The following IGHMBP2 variants were observed in gnomAD, a reference collection of about 807,000 sequenced individuals.
IGHMBP2 encodes the protein DNA-binding protein SMUBP-2.
A neutral mutation model predicts 96.0 loss-of-function variants in IGHMBP2; 81 were observed. That is an observed-to-expected ratio of 0.84 (90% CI 0.71 to 1.01). The LOEUF is 1.01. Among genes scored for constraint, IGHMBP2 ranks in the 50% least tolerant of loss-of-function variants. The probability of loss-of-function intolerance (pLI) is 0.00; values close to 1 mark genes in which losing one functional copy is unlikely to be tolerated. For synonymous variants in IGHMBP2, 557 were observed against 548.9 expected, an observed-to-expected ratio of 1.01 and a Z score of -0.21; for missense variants, 1,227 against 1,306.3, an observed-to-expected ratio of 0.94 and a Z score of 0.94.
Position 68,936,752 on chromosome 11 carries a change from G to C in IGHMBP2, c.2272G>C (p.Val758Leu). ...CCTCAATTCCCACGACAGGCTGCGG[G>C]TCCACCAAATAGCCGAGGAGCACGG... ...PSLNSHDRLR[V>L]HQIAEEHGLR... is the part of the protein sequence containing the mutation. Residue 758 changes from valine to leucine, a missense_variant, in exon 13 of 15, where the codon GTC becomes CTC. This residue lies in a region of IGHMBP2 where 703 missense variants were observed against 770.3 expected (regional missense o/e 0.91). Transcript: ENST00000255078. 6.2e-7 allele frequency: 1 copy of C among 1,614,080 alleles called. No individual in the cohort carries two copies.
rs376644749 is a variant in IGHMBP2 at position 68,906,199 on chromosome 11, G to A, written c.217G>A (p.Gly73Arg). ...LLVTFEPRRY[G>R]SAAALPSNSF... ...GGTCACCTTTGAGCCCAGGCGATAC[G>A]GGTCCGCGGCAGCTCTTCCCAGTAA... The change falls in exon 2 of 15, where the codon GGG becomes AGG. Residue 73 changes from glycine to arginine, a missense_variant. Gly to Arg is a moderately radical substitution (Grantham distance 125, BLOSUM62 -2). Transcript: ENST00000255078. The A allele has an allele frequency of 4.2e-5, 68 of 1,613,994 alleles. No homozygotes were observed. The highest frequency in any genetic ancestry group is 5.3e-5 in the Non-Finnish European group (63 of 1,180,000).
intron 8 of IGHMBP2, chr11:68,932,965 CCTT>C (rs1566442658): frequency 2.5e-6 from 1 of 401,232 alleles, no homozygotes; most frequent in South Asian, 2.7e-5. Flanking sequence ...CCCTCGGTGA[CCTT>C]CTCTGACTGA....
In IGHMBP2 at chr11:68,935,392, A is replaced by G; in HGVS notation, c.1726A>G (p.Ile576Val). 6.2e-7 allele frequency: 1 copy of G among 1,614,134 alleles called. No individual in the cohort carries two copies. The highest frequency in any genetic ancestry group is 8.5e-7 in the Non-Finnish European group (1 of 1,180,044). The stretch of plus-strand genomic sequence containing the variant: ...CCAAGGCCGAGAGAAGGAGGCCGTG[A>G]TACTGTCCTTCGTCAGATCCAACAG... ...GFQGREKEAV[I>V]LSFVRSNRKG... Residue 576 changes from isoleucine (I) to valine (V), a missense_variant, in exon 12 of 15, where the codon ATA becomes GTA. By Grantham distance (29) the Ile-to-Val change is conservative. Coordinates refer to ENST00000255078, the MANE Select transcript of IGHMBP2 (RefSeq NM_002180.3).
intron 4 of IGHMBP2, among the ~76,000 whole-genome samples, chr11:68,910,740 G>T (rs1363023629): frequency 6.6e-6 from 1 of 152,078 alleles, no homozygotes; most frequent in African/African-American, 2.4e-5. Flanking sequence ...AAAATTAGCT[G>T]GGCATGGTGG....
intron 7 of IGHMBP2, among the ~76,000 whole-genome samples, chr11:68,924,325 G>A (rs1316698484): frequency 6.6e-6 from 1 of 152,206 alleles, no homozygotes; most frequent in Non-Finnish European, 1.5e-5. Context: ...TTAGGAATGT[G>A]TTTGTGAGAC....
At chr11:68,934,378 C>T in intron 10 of IGHMBP2, 86 bp from the exon 11 acceptor site, 1 of 935,748 alleles carries the variant, frequency 1.1e-6, no homozygotes, top group Admixed American at 2.0e-5. Context: ...CCATGATAGA[C>T]AGAAACGTGC....
chr11:68,916,609 A>AGCACCT (rs1858680760), intron 6 of IGHMBP2, among the ~76,000 whole-genome samples: 2 of 151,542 alleles, frequency 1.3e-5, no homozygotes, highest in South Asian at 4.2e-4. Flanking sequence ...GCTTACGGTC[A>AGCACCT]GCACCTGCAC....
rs761885813 is a variant in IGHMBP2, at chr11:68,936,432, A to G, written c.1952A>G (p.Tyr651Cys). The change falls in exon 13 of 15, where the codon TAT (tyrosine) becomes TGT (cysteine). Residue 651 changes from tyrosine to cysteine, a missense_variant. Physicochemically the swap from Tyr to Cys is radical, Grantham distance 194 (BLOSUM62 -2). Transcript: ENST00000255078. ...EYLDDIVPEN[Y>C]SHENSQGSSH... Reference sequence around the variant, plus strand: ...CTTGACGATATTGTCCCAGAAAACTATTCCCATGAGAACTCCCAGGGTTCC... The same window carrying G: ...CTTGACGATATTGTCCCAGAAAACTGTTCCCATGAGAACTCCCAGGGTTCC... 29 of 1,614,010 alleles carry G rather than the reference A, an allele frequency of 1.8e-5. No homozygotes were observed. The highest frequency in any genetic ancestry group is 2.2e-5 in the East Asian group (1 of 44,886).
At position 68,936,327 on chromosome 11, in the gene IGHMBP2, C is replaced by T. The variant is rs1231840508; in HGVS notation, c.1847C>T (p.Thr616Ile). The change falls in exon 13 of 15, where the codon ACT (threonine) becomes ATT (isoleucine). Residue 616 changes from threonine to isoleucine, a missense_variant. By Grantham distance (89) the Thr-to-Ile change is moderately conservative (BLOSUM62 -1). Around this residue, in one of 3 missense-constraint regions of IGHMBP2, gnomAD observed 703 missense variants for 770.3 expected, o/e 0.91. Transcript: ENST00000255078. ...GTGGCGGTCATCTGTGACTCCCGTA[C>T]TGTCAACAACCATGCATTTTTGAAG... ...RHVAVICDSR[T>I]VNNHAFLKTL... 1.2e-6 allele frequency: 2 copies of T among 1,614,242 alleles called. No individual in the cohort carries two copies. Among genetic ancestry groups the T allele is most frequent in the South Asian group, 1.1e-5 (1 of 91,092 alleles).
At chr11:68,921,477 G>A (rs982826123) in intron 7 of IGHMBP2, among the ~76,000 whole-genome samples, 1 of 152,118 alleles carries the variant, frequency 6.6e-6, no homozygotes, top group African/African-American at 2.4e-5. Flanking sequence ...TACAGTATGT[G>A]TCTTCAACTC....
At chr11:68,914,506 G>T (rs1304568663) in intron 5 of IGHMBP2, among the ~76,000 whole-genome samples, 1 of 152,178 alleles carries the variant, frequency 6.6e-6, no homozygotes, top group African/African-American at 2.4e-5. Flanking sequence ...GTGTCTAGGG[G>T]TGAATGTTTA....
intron 11 of IGHMBP2, 108 bp from the exon 12 acceptor site, chr11:68,935,191 C>T (rs1199439561): frequency 6.8e-6 from 10 of 1,463,834 alleles, no homozygotes; most frequent in African/African-American, 1.4e-5. Context: ...CTCCGCTTCC[C>T]AGGTCCTGGC....
chr11:68,906,340 A>C, intron 2 of IGHMBP2, 102 bp downstream of exon 2: 1 of 1,260,012 alleles, frequency 7.9e-7, no homozygotes, highest in Non-Finnish European at 1.2e-6. Flanking sequence ...TTGGAGAATA[A>C]AGCGTTGCAA....
At chr11:68,915,183 T>A (rs1334194100) in intron 6 of IGHMBP2, among the ~76,000 whole-genome samples, 160 bp downstream of exon 6, 1 of 136,352 alleles carries the variant, frequency 7.3e-6, no homozygotes, top group Non-Finnish European at 1.6e-5. Context: ...TTTTTTTTTT[T>A]TTTTTTTTTT....
Position 68,914,991 on chromosome 11 carries a change from G to T in IGHMBP2, c.880G>T (p.Ala294Ser). The T allele has an allele frequency of 6.2e-7, 1 of 1,614,098 alleles. No homozygotes were observed. Among genetic ancestry groups the T allele is most frequent in the Non-Finnish European group, 8.5e-7 (1 of 1,180,016 alleles). The change falls in exon 6 of 15, where the codon GCA (alanine) becomes TCA (serine). Residue 294 changes from alanine (A) to serine (S), a missense_variant. Physicochemically the swap from Ala to Ser is moderately conservative, Grantham distance 99. This residue lies in a region of IGHMBP2 where 507 missense variants were observed against 496.9 expected (regional missense o/e 1.02). Coordinates refer to ENST00000255078, the MANE Select transcript of IGHMBP2 (RefSeq NM_002180.3). ...LARSDSAQIV[A>S]DIRKDIDQVF... ...GCGGAGCGACAGTGCCCAGATTGTT[G>T]CAGATATCAGGAAGGACATCGACCA...
rs1056880674 is a variant in IGHMBP2 at position 68,917,645 on chromosome 11, T to C, written c.913-91T>C. On this transcript the variant is annotated intron_variant, in intron 6 of 14. Transcript: ENST00000255078. ...GTGTTTTTTACGGAGTTTATTGAACTGGACTGAATGATAGAAGCACTTCAT... is the reference window on the plus strand; with the variant it reads ...GTGTTTTTTACGGAGTTTATTGAACCGGACTGAATGATAGAAGCACTTCAT... 19 of 1,062,578 alleles carry C rather than the reference T, an allele frequency of 1.8e-5. 1 individual carries two copies. The highest frequency in any genetic ancestry group is 2.0e-5 in the Non-Finnish European group (14 of 685,262). The allele number at this position is 1,062,578 out of a possible 1,614,324, so 65.8% of individuals were successfully genotyped here. A position where few individuals can be genotyped will look rare whatever the true frequency, so the allele number is the denominator to read the frequency against.
intron 8 of IGHMBP2, chr11:68,930,315 G>A (rs1436943943): frequency 7.8e-7 from 1 of 1,289,716 alleles, no homozygotes; most frequent in South Asian, 1.2e-5. Flanking sequence ...TTCACTGTGG[G>A]TGTGTAGAAG....
chr11:68,937,616 C>T (rs890158969), intron 13 of IGHMBP2: 1 of 238,030 alleles, frequency 4.2e-6, no homozygotes. Context: ...ATTGTGCCCA[C>T]CCCGCAGGAG....
At chr11:68,935,526 T>C (rs544011635) in intron 12 of IGHMBP2, 104 bp downstream of exon 12, 4 of 1,392,024 alleles carry the variant, frequency 2.9e-6, no homozygotes, top group Admixed American at 1.7e-5. Flanking sequence ...TTTCTGGCAG[T>C]GTGCTCATGG....
Sources: allele counts gnomAD v4.1 joint callset (sites outside exome capture counted in the v4.1 genomes callset), GRCh38; gene constraint gnomAD v4.1.1; regional missense constraint gnomAD v4.1.1; transcripts MANE v1.5; gene names NCBI Gene and HGNC (gene_info 2026-07-23, HGNC 2026-07-21).